Variants in FOXP2 observed in about 807,000 individuals in gnomAD.
FOXP2 encodes forkhead box P2.
Under a neutral mutation model 115.8 loss-of-function variants are expected in FOXP2, and 12 were observed. The ratio of observed to expected loss-of-function variants is 0.10; its 90% confidence interval spans 0.07 to 0.17. FOXP2 has a LOEUF of 0.17. Ranked by LOEUF, FOXP2 falls within the 10% of genes least tolerant of loss-of-function variation. FOXP2 has a pLI of 1.00. For synonymous variants in FOXP2, 328 were observed against 297.7 expected (o/e 1.10, Z -1.05); for missense variants, 629 against 843.5 (o/e 0.75, Z 3.15).
intron 1 of FOXP2, among the ~76,000 whole-genome samples, chr7:114,251,728 T>C (rs1278869908): frequency 6.6e-6 from 1 of 152,218 alleles, no homozygotes; most frequent in Non-Finnish European, 1.5e-5. Flanking sequence ...AATCATGTCA[T>C]CTGCAAACAG....
At chr7:114,411,222 G>T (rs115962507), upstream of FOXP2, among the ~76,000 whole-genome samples, 1 of 152,050 alleles carries the variant, frequency 6.6e-6, no homozygotes, top group East Asian at 1.9e-4. Context: ...TTGGATTACT[G>T]TAATGGTATG....
At chr7:114,574,754 T>C (rs2129298018) in intron 3 of FOXP2, among the ~76,000 whole-genome samples, 1 of 152,018 alleles carries the variant, frequency 6.6e-6, no homozygotes, top group African/African-American at 2.4e-5. Flanking sequence ...CGAAGGCAAT[T>C]ATGTGGAATG....
intron 3 of FOXP2, among the ~76,000 whole-genome samples, chr7:114,612,966 G>C (rs532154883): frequency 6.6e-6 from 1 of 152,214 alleles, no homozygotes; most frequent in East Asian, 1.9e-4. Context: ...CATGGCACTA[G>C]GGTCAAAGTT....
intron 3 of FOXP2, among the ~76,000 whole-genome samples, chr7:114,566,877 A>G (rs1157092370): frequency 6.6e-6 from 1 of 151,906 alleles, no homozygotes; most frequent in African/African-American, 2.4e-5. Context: ...TATAATATTA[A>G]TACCATGTAT....
intron 3 of FOXP2, among the ~76,000 whole-genome samples, chr7:114,588,667 G>C (rs1277366386): frequency 6.6e-6 from 1 of 152,120 alleles, no homozygotes; most frequent in Non-Finnish European, 1.5e-5. Context: ...ATAAATCCAA[G>C]CATATTGAAT....
At chr7:114,373,485 G>C (rs1010752765) in intron 2 of FOXP2, among the ~76,000 whole-genome samples, 1 of 152,162 alleles carries the variant, frequency 6.6e-6, no homozygotes, top group Non-Finnish European at 1.5e-5. Context: ...ACTCCAAAGG[G>C]AATGCTCTTT....
At chr7:114,467,132 C>G (rs1472169344) in intron 2 of FOXP2, among the ~76,000 whole-genome samples, 1 of 152,066 alleles carries the variant, frequency 6.6e-6, no homozygotes, top group Non-Finnish European at 1.5e-5. Context: ...TTGGTGACCT[C>G]CACTGTTTAT....
At chr7:114,681,988 G>C in intron 16 of FOXP2, among the ~76,000 whole-genome samples, 1 of 152,066 alleles carries the variant, frequency 6.6e-6, no homozygotes, top group East Asian at 1.9e-4. Context: ...AAGGTTATAA[G>C]GTTATTATAT....
chr7:114,304,612 G>C (rs1796961419), intron 2 of FOXP2, among the ~76,000 whole-genome samples: 1 of 139,408 alleles, frequency 7.2e-6, no homozygotes, highest in Non-Finnish European at 1.5e-5. Flanking sequence ...GGAGGTTGCA[G>C]TGAGCCAAGA....
Position 114,488,338 on chromosome 7 carries a change from G to A in FOXP2, c.169-46279G>A, listed in dbSNP as rs533362385. The stretch of plus-strand genomic sequence containing the variant: ...TACAATTCAAAATGAGATTTGGGTG[G>A]AGACACAGCCAAACCATATCAGTGT... On this transcript the variant is annotated intron_variant, in intron 2 of 16. Transcript: ENST00000350908. 1.4e-3 allele frequency among the ~76,000 whole-genome samples: 206 copies of A among 152,264 alleles called. 1 individual carries two copies. The highest frequency in any genetic ancestry group is 3.4e-3 in the Middle Eastern group (1 of 294).
intron 1 of FOXP2, among the ~76,000 whole-genome samples, chr7:114,260,270 C>T (rs969869879): frequency 6.6e-6 from 1 of 151,812 alleles, no homozygotes; most frequent in African/African-American, 2.4e-5. Context: ...TGCAGCTCCT[C>T]CCAGGCTATT....
chr7:114,153,784 C>G (rs1053383689), intron 1 of FOXP2, among the ~76,000 whole-genome samples: 1 of 152,044 alleles, frequency 6.6e-6, no homozygotes, highest in Non-Finnish European at 1.5e-5. Flanking sequence ...TATTAAATAC[C>G]AAACCTTCTC....
rs1027470522 is a variant in FOXP2 at position 114,691,956 on chromosome 7, A to G, written c.*2030A>G. 1 of 412,642 alleles carries G rather than the reference A, an allele frequency of 2.4e-6. No homozygotes were observed. Among genetic ancestry groups the G allele is most frequent in the Non-Finnish European group, 4.7e-6 (1 of 214,396 alleles). The allele number at this position is 412,642 out of a possible 1,614,324, so 25.6% of individuals were successfully genotyped here. ...AAAAAAAAAAAAGAAAAAAAAAAAA[A>G]GAAAAACATTAGAACAATTATGGCA... On this transcript the variant is annotated 3_prime_UTR_variant, in exon 17 of 17. Coordinates refer to ENST00000350908, the MANE Select transcript of FOXP2 (RefSeq NM_014491.4).
intron 2 of FOXP2, among the ~76,000 whole-genome samples, chr7:114,458,839 C>A (rs962326144): frequency 6.6e-6 from 1 of 152,140 alleles, no homozygotes; most frequent in Non-Finnish European, 1.5e-5. Flanking sequence ...TCCTAAAAAA[C>A]CATACTAAAC....
intron 1 of FOXP2, among the ~76,000 whole-genome samples, chr7:114,218,306 C>T (rs1446043314): frequency 6.6e-6 from 1 of 152,154 alleles, no homozygotes; most frequent in Non-Finnish European, 1.5e-5. Flanking sequence ...TCTCTGCCCA[C>T]ACGTTCTCAA....
At chr7:114,298,033 G>A (rs1796787153) in intron 2 of FOXP2, among the ~76,000 whole-genome samples, 1 of 152,062 alleles carries the variant, frequency 6.6e-6, no homozygotes, top group Non-Finnish European at 1.5e-5. Context: ...TATTTGCTAT[G>A]GACTCCAACC....
At chr7:114,256,221 G>C (rs1413987320) in intron 1 of FOXP2, among the ~76,000 whole-genome samples, 1 of 152,086 alleles carries the variant, frequency 6.6e-6, no homozygotes, top group Non-Finnish European at 1.5e-5. Context: ...TCCTGCCTCA[G>C]CCTCCCGAGT....
intron 1 of FOXP2, among the ~76,000 whole-genome samples, chr7:114,226,877 AT>A (rs1426658554): frequency 6.6e-6 from 1 of 152,090 alleles, no homozygotes; most frequent in African/African-American, 2.4e-5. Flanking sequence ...CTCAACCAAG[AT>A]AGAAATTCTT....
chr7:114,490,390 C>G (rs561581593), intron 2 of FOXP2, among the ~76,000 whole-genome samples: 70 of 152,184 alleles, frequency 4.6e-4, no homozygotes, highest in African/African-American at 1.7e-3. Context: ...GTAAAAAGAT[C>G]AGTGATTGTC....
Sources: allele counts gnomAD v4.1 joint callset (sites outside exome capture counted in the v4.1 genomes callset), GRCh38; gene constraint gnomAD v4.1.1; transcripts MANE v1.5; gene names NCBI Gene and HGNC (gene_info 2026-07-23, HGNC 2026-07-21).